The following STK32A variants were observed in gnomAD, a reference collection of about 807,000 sequenced individuals.
The protein encoded by STK32A is serine/threonine kinase 32A, also known as serine/threonine-protein kinase 32A.
In STK32A, 41 loss-of-function variants were observed where a neutral mutation model predicts 53.2. The ratio of observed to expected loss-of-function variants is 0.77; its 90% confidence interval spans 0.60 to 1.00. The LOEUF (loss-of-function observed/expected upper bound fraction) is 1.00. Ranked by LOEUF, STK32A falls within the 50% of genes least tolerant of loss-of-function variation. The pLI is 0.00. For missense variants in STK32A, 458 were observed against 485.8 expected (o/e 0.94, Z 0.54); for synonymous variants, 166 against 162.8 (o/e 1.02, Z -0.15).
At chr5:147,390,941 G>A (rs1757779956), downstream of STK32A, 1 of 152,620 alleles carries the variant, frequency 6.6e-6, no homozygotes, top group Admixed American at 6.5e-5. Context: ...TCACGTTCCA[G>A]AGCTGCCTCA....
intron 2 of STK32A, among the ~76,000 whole-genome samples, chr5:147,262,822 A>G (rs144717578): frequency 2.0e-4 from 31 of 152,288 alleles, no homozygotes; most frequent in African/African-American, 5.8e-4. Flanking sequence ...CTAAGCTTCT[A>G]GAAGGGGAAG....
chr5:147,295,759 TA>T (rs538236466), intron 4 of STK32A, among the ~76,000 whole-genome samples: 90 of 152,336 alleles, frequency 5.9e-4, no homozygotes, highest in Admixed American at 4.1e-3. Flanking sequence ...CTCCCACCTT[TA>T]GACTGTCAAG....
intron 5 of STK32A, among the ~76,000 whole-genome samples, chr5:147,333,539 C>G (rs1368984568): frequency 2.6e-5 from 4 of 152,156 alleles, no homozygotes; most frequent in Non-Finnish European, 5.9e-5. Context: ...GGGCAAGACA[C>G]TAAGCACCTC....
intron 5 of STK32A, among the ~76,000 whole-genome samples, chr5:147,326,344 T>G (rs896567253): frequency 1.3e-5 from 2 of 152,174 alleles, no homozygotes; most frequent in South Asian, 4.1e-4. Context: ...GGTAAAGGTA[T>G]GGAAGGCAAA....
chr5:147,380,767 A>G (rs1757421135), intron 11 of STK32A, among the ~76,000 whole-genome samples: 1 of 152,232 alleles, frequency 6.6e-6, no homozygotes, highest in Non-Finnish European at 1.5e-5. Flanking sequence ...AATCAACTCC[A>G]GTACCATTGT....
At chr5:147,395,267 G>A in the STK32A span, among the ~76,000 whole-genome samples, 31 of 152,280 alleles carry the variant, frequency 2.0e-4, no homozygotes, top group African/African-American at 7.5e-4. Flanking sequence ...TCAATTCATA[G>A]AGGGGACCAG....
At chr5:147,241,287 G>A (rs1171235201) in intron 2 of STK32A, among the ~76,000 whole-genome samples, 1 of 152,172 alleles carries the variant, frequency 6.6e-6, no homozygotes, top group African/African-American at 2.4e-5. Flanking sequence ...GACCATCCTG[G>A]CTAACACGGT....
chr5:147,359,841 C>T (rs1192871748), intron 7 of STK32A, among the ~76,000 whole-genome samples: 3 of 152,094 alleles, frequency 2.0e-5, no homozygotes, highest in Non-Finnish European at 2.9e-5. Context: ...GGGCCAGTCC[C>T]GGGCATTGGG....
the STK32A span, among the ~76,000 whole-genome samples, chr5:147,400,244 C>T: frequency 1.3e-5 from 2 of 152,282 alleles, no homozygotes; most frequent in South Asian, 2.1e-4. Flanking sequence ...TCACTTGTAT[C>T]GCCTGAATGA....
At chr5:147,338,740 G>A (rs1402092280) in intron 5 of STK32A, among the ~76,000 whole-genome samples, 2 of 152,200 alleles carry the variant, frequency 1.3e-5, no homozygotes, top group Non-Finnish European at 2.9e-5. Context: ...CTGTGCTTTA[G>A]CAAAGAGACT....
At chr5:147,355,429 T>A (rs1756171084) in intron 7 of STK32A, among the ~76,000 whole-genome samples, 1 of 151,976 alleles carries the variant, frequency 6.6e-6, no homozygotes, top group South Asian at 2.1e-4. Flanking sequence ...ATCCCAGCAC[T>A]TTGGGAGGCC....
chr5:147,268,069 A>T (rs575405973), intron 2 of STK32A, among the ~76,000 whole-genome samples: 4 of 152,236 alleles, frequency 2.6e-5, no homozygotes, highest in Middle Eastern at 3.2e-3. Context: ...ATCTGAATTT[A>T]AAAACATGTA....
intron 4 of STK32A, among the ~76,000 whole-genome samples, chr5:147,301,457 C>A (rs1295689585): frequency 1.3e-5 from 2 of 152,002 alleles, no homozygotes; most frequent in African/African-American, 2.4e-5. Context: ...ATGAAATGTC[C>A]CTGCTTCCCC....
chr5:147,381,612 C>T (rs1412326315), intron 11 of STK32A, among the ~76,000 whole-genome samples: 2 of 150,514 alleles, frequency 1.3e-5, no homozygotes, highest in Non-Finnish European at 2.9e-5. Context: ...CACTTCACTC[C>T]AGTCTGGGCA....
intron 4 of STK32A, among the ~76,000 whole-genome samples, chr5:147,315,029 G>C (rs1401720391): frequency 6.6e-6 from 1 of 152,118 alleles, no homozygotes; most frequent in Admixed American, 6.5e-5. Context: ...ATAGGTGTGA[G>C]CCACCACACT....
intron 4 of STK32A, among the ~76,000 whole-genome samples, chr5:147,309,416 T>A (rs533285826): frequency 9.2e-5 from 14 of 152,308 alleles, no homozygotes; most frequent in African/African-American, 3.1e-4. Flanking sequence ...TTTCTAAGTA[T>A]CCATTTGAGA....
At chr5:147,274,905 T>C (rs1319850172) in intron 2 of STK32A, among the ~76,000 whole-genome samples, 1 of 152,224 alleles carries the variant, frequency 6.6e-6, no homozygotes, top group Non-Finnish European at 1.5e-5. Flanking sequence ...ATCAAACTTT[T>C]CTGTAAAGAG....
the STK32A span, chr5:147,395,857 G>C: frequency 4.7e-6 from 5 of 1,073,096 alleles, no homozygotes; most frequent in Non-Finnish European, 1.3e-6. Flanking sequence ...ATTTGAGGAA[G>C]GGAGAAGTAG....
chr5:147,327,760 T>C lies in STK32A; in HGVS notation c.434+3689T>C, dbSNP rs144801041. Among the ~76,000 whole-genome samples the C allele has an allele frequency of 6.6e-5, 10 of 152,298 alleles. No individual in the cohort carries two copies. The East Asian group carries it at 1.9e-3, about 29-fold the overall frequency. ...AATTACTTGCCCAAGTTTGCATGGC[T>C]ATTAAGTAGGGAAAGCATCATGTTT... On this transcript the variant is annotated intron_variant, in intron 5 of 12. Transcript: ENST00000397936.
Sources: allele counts gnomAD v4.1 joint callset (sites outside exome capture counted in the v4.1 genomes callset), GRCh38; gene constraint gnomAD v4.1.1; transcripts MANE v1.5; gene names NCBI Gene and HGNC (gene_info 2026-07-23, HGNC 2026-07-21).